BUB1B: variants seen among roughly 807,000 people sequenced by gnomAD.
BUB1B encodes BUB1 mitotic checkpoint serine/threonine kinase B, also known as mitotic checkpoint serine/threonine-protein kinase BUB1 beta.
A neutral mutation model predicts 137.7 loss-of-function variants in BUB1B; 86 were observed. The ratio of observed to expected loss-of-function variants is 0.62; its 90% confidence interval spans 0.52 to 0.75. BUB1B has a LOEUF of 0.75. BUB1B is among the 30% of genes least tolerant of loss of function. The probability of loss-of-function intolerance (pLI) is 0.00; values close to 1 mark genes in which losing one functional copy is unlikely to be tolerated. For synonymous variants in BUB1B, 420 were observed against 417.9 expected, an observed-to-expected ratio of 1.00 and a Z score of -0.06; for missense variants, 1,130 against 1,236.9, an observed-to-expected ratio of 0.91 and a Z score of 1.30.
chr15:40,212,411 T>C, intron 18 of BUB1B, 88 bp from the exon 19 acceptor site: 3 of 984,712 alleles, frequency 3.0e-6, no homozygotes, highest in Non-Finnish European at 4.8e-6. Flanking sequence ...TATTTCTCTA[T>C]CAGAAGGGCT....
At chr15:40,163,474 TG>T (rs557164692) in intron 1 of BUB1B, among the ~76,000 whole-genome samples, 60 of 152,348 alleles carry the variant, frequency 3.9e-4, no homozygotes, top group African/African-American at 1.4e-3. Context: ...CAATGCCTTA[TG>T]AAAGTGCCCA....
In BUB1B at chr15:40,183,020, G is replaced by A. The variant is rs139552951; in HGVS notation, c.582-694G>A. Among the ~76,000 whole-genome samples the A allele has an allele frequency of 9.9e-5, 15 of 152,244 alleles. No individual in the cohort carries two copies. In the East Asian group the frequency reaches 2.7e-3, roughly 27 times the overall value. On this transcript the variant is annotated intron_variant, in intron 5 of 22. Transcript: ENST00000287598. ...CAGTGAGAGAAAGAGAAAAGGTACA[G>A]TGGGCATACTCCATCTTGGCCAACA...
At chr15:40,182,528 G>T (rs2037307164) in intron 5 of BUB1B, among the ~76,000 whole-genome samples, 1 of 152,216 alleles carries the variant, frequency 6.6e-6, no homozygotes, top group Non-Finnish European at 1.5e-5. Flanking sequence ...CTTTGGGTCT[G>T]TCCCATGCAT....
intron 22 of BUB1B, 62 bp from the exon 23 acceptor site, chr15:40,220,502 C>T: frequency 4.5e-6 from 7 of 1,566,992 alleles, no homozygotes; most frequent in Non-Finnish European, 6.2e-6. Flanking sequence ...CTGAGTTAAA[C>T]TAAAAGGAAT....
chr15:40,206,666 T>G (rs900697978), intron 15 of BUB1B, among the ~76,000 whole-genome samples: 2 of 152,166 alleles, frequency 1.3e-5, no homozygotes, highest in African/African-American at 4.8e-5. Context: ...TAAATTTTGA[T>G]GGTAGAGAAA....
rs149437374 is a variant in BUB1B, at chr15:40,220,866, T to C, written c.*107T>C. ...TAATTTAGGACACATTTAGATGCAC[T>C]ACCATTGCTGTTCTACTTTTTGGTA... On this transcript the variant is annotated 3_prime_UTR_variant, in exon 23 of 23. Coordinates refer to ENST00000287598, the MANE Select transcript of BUB1B (RefSeq NM_001211.6). 73 of 1,187,782 alleles carry C rather than the reference T, an allele frequency of 6.1e-5. No individual in the cohort carries two copies. The highest frequency in any genetic ancestry group is 8.1e-5 in the Non-Finnish European group (65 of 803,330). The allele number at this position is 1,187,782 out of a possible 1,614,324, so 73.6% of individuals were successfully genotyped here. A position where few individuals can be genotyped will look rare whatever the true frequency, so the allele number is the denominator to read the frequency against.
At chr15:40,168,549 C>T (rs2140880652) in intron 2 of BUB1B, among the ~76,000 whole-genome samples, 1 of 152,250 alleles carries the variant, frequency 6.6e-6, no homozygotes, top group South Asian at 2.1e-4. Context: ...CCATATTAGC[C>T]TCATAACTGT....
chr15:40,201,157 T>A (rs1252798777), intron 12 of BUB1B, among the ~76,000 whole-genome samples, 177 bp downstream of exon 12: 1 of 152,234 alleles, frequency 6.6e-6, no homozygotes, highest in African/African-American at 2.4e-5. Context: ...AGTATTTTTT[T>A]AAAGATTCCT....
chr15:40,218,955 A>G lies in BUB1B; in HGVS notation c.2957+393A>G, dbSNP rs544194950. On this transcript the variant is annotated intron_variant, in intron 22 of 22. Transcript: ENST00000287598. ...GAGACGGAGTCTCGCTCTGTTGCCC[A>G]GGCTGGAGTGCAGTGGCATGATCTC... is the stretch of plus-strand genomic sequence containing the variant. 2.0e-5 allele frequency among the ~76,000 whole-genome samples: 3 copies of G among 152,314 alleles called. No individual in the cohort carries two copies. In the East Asian group the frequency reaches 5.8e-4, roughly 29 times the overall value.
rs150953963 is a variant in BUB1B at position 40,167,218 on chromosome 15, A to G, written c.179+2022A>G. On this transcript the variant is annotated intron_variant, in intron 2 of 22. Transcript: ENST00000287598. ...ACTGCTTAGTTTTAAATTTTGATGA[A>G]GTTCAATTAATTAGTATTTTTCTTT... 2.7e-3 allele frequency among the ~76,000 whole-genome samples: 400 copies of G among 149,818 alleles called. 8 individuals are homozygous for G. Among genetic ancestry groups the G allele is most frequent in the Admixed American group, 0.021 (315 of 15,090 alleles).
intron 2 of BUB1B, among the ~76,000 whole-genome samples, chr15:40,167,639 C>A (rs1341993967): frequency 6.6e-6 from 1 of 152,136 alleles, no homozygotes; most frequent in African/African-American, 2.4e-5. Context: ...CTGCGTCCAG[C>A]CAAGCATTAT....
rs1406268160 is a variant in BUB1B, at chr15:40,171,910, G to C, written c.384+1229G>C. The stretch of plus-strand genomic sequence containing the variant: ...CCGTTTGTTAGACATTAATATTACT[G>C]CTTTTATTCTAAAATAAATTTAAAA... On this transcript the variant is annotated intron_variant, in intron 4 of 22. Transcript: ENST00000287598. 2.6e-5 allele frequency among the ~76,000 whole-genome samples: 4 copies of C among 151,646 alleles called. No homozygotes were observed. The East Asian group carries it at 7.7e-4, about 29-fold the overall frequency.
At chr15:40,220,062 G>C (rs1021957508) in intron 22 of BUB1B, among the ~76,000 whole-genome samples, 1 of 152,160 alleles carries the variant, frequency 6.6e-6, no homozygotes, top group African/African-American at 2.4e-5. Flanking sequence ...TAACAGCCCT[G>C]CCTTATCTAA....
chr15:40,176,270 T>C (rs2037222133), intron 4 of BUB1B, among the ~76,000 whole-genome samples: 1 of 152,212 alleles, frequency 6.6e-6, no homozygotes. Context: ...TACTCCTTCT[T>C]GAAGCCTTTA....
chr15:40,196,436 A>G, intron 8 of BUB1B, 109 bp from the exon 9 acceptor site: 1 of 1,046,814 alleles, frequency 9.6e-7, no homozygotes, highest in Non-Finnish European at 1.4e-6. Flanking sequence ...CCAGATTTGC[A>G]GAACATAATT....
intron 5 of BUB1B, 21 bp downstream of exon 5, chr15:40,176,694 G>A (rs1330308893): frequency 6.2e-7 from 1 of 1,608,988 alleles, no homozygotes; most frequent in Non-Finnish European, 8.5e-7. Flanking sequence ...TTTGGAGCTT[G>A]TCTTAACTCT....
At chr15:40,161,560 T>C (rs2140876702) in intron 1 of BUB1B, among the ~76,000 whole-genome samples, 1 of 152,354 alleles carries the variant, frequency 6.6e-6, no homozygotes, top group African/African-American at 2.4e-5. Context: ...CTGCTAGTTG[T>C]TTGACCTTGG....
intron 15 of BUB1B, among the ~76,000 whole-genome samples, chr15:40,207,099 T>A (rs1230422247): frequency 6.6e-6 from 1 of 152,176 alleles, no homozygotes; most frequent in Non-Finnish European, 1.5e-5. Flanking sequence ...AGTGAGCCAC[T>A]GTGCCTGGCC....
At chr15:40,168,070 GAA>G (rs752372089) in intron 2 of BUB1B, among the ~76,000 whole-genome samples, 2 of 88,208 alleles carry the variant, frequency 2.3e-5, no homozygotes. Flanking sequence ...TACTGAAAAA[GAA>G]AAAAAAAAAA....
Sources: allele counts gnomAD v4.1 joint callset (sites outside exome capture counted in the v4.1 genomes callset), GRCh38; gene constraint gnomAD v4.1.1; transcripts MANE v1.5; gene names NCBI Gene and HGNC (gene_info 2026-07-23, HGNC 2026-07-21).